The following C11orf65 variants were observed in gnomAD, a reference collection of about 807,000 sequenced individuals.
The protein encoded by C11orf65 is chromosome 11 open reading frame 65, also known as protein MFI.
A neutral mutation model predicts 35.3 loss-of-function variants in C11orf65; 38 were observed. The observed-to-expected ratio is 1.08, with a 90% CI of 0.83 to 1.41. The LOEUF (loss-of-function observed/expected upper bound fraction) is 1.41, where lower values mean the gene tolerates loss of function less well. Among genes scored for constraint, C11orf65 ranks in the 40% most tolerant of loss-of-function variants. C11orf65 has a pLI of 0.00. For synonymous variants in C11orf65, 105 were observed against 114.4 expected (o/e 0.92, Z 0.53); for missense variants, 370 against 367.1 (o/e 1.01, Z -0.06).
intron 3 of C11orf65, among the ~76,000 whole-genome samples, chr11:108,421,590 G>A (rs1027045671): frequency 3.3e-4 from 50 of 152,200 alleles, no homozygotes; most frequent in Middle Eastern, 3.4e-3. Flanking sequence ...TCTGGGAGGC[G>A]AAGGTTGCAG....
chr11:108,459,726 T>TACACACACACACACACACACACAC (rs60928526), intron 2 of C11orf65, among the ~76,000 whole-genome samples: 89 of 138,662 alleles, frequency 6.4e-4, no homozygotes, highest in Middle Eastern at 7.0e-3. Context: ...GTCCTCCGTC[T>TACACACACACACACACACACACAC]ACACACACAC....
chr11:108,395,299 T>C (rs1335273931), intron 6 of C11orf65, among the ~76,000 whole-genome samples: 1 of 151,510 alleles, frequency 6.6e-6, no homozygotes, highest in African/African-American at 2.4e-5. Flanking sequence ...AAGACCAGCC[T>C]GGGTAAAATA....
At chr11:108,336,121 A>G in intron 2 of C11orf65, 1 of 575,502 alleles carries the variant, frequency 1.7e-6, no homozygotes, top group Non-Finnish European at 3.1e-6. Context: ...ACATAGTGAG[A>G]CCCCATCTTG....
intron 6 of C11orf65, chr11:108,321,510 C>CGGTG: frequency 1.3e-6 from 2 of 1,575,610 alleles, no homozygotes; most frequent in Admixed American, 3.4e-5. Flanking sequence ...AGGCCGGGCA[C>CGGTG]GGTGGCTCAT....
chr11:108,453,395 A>C (rs74890530), intron 2 of C11orf65, among the ~76,000 whole-genome samples: 2 of 152,126 alleles, frequency 1.3e-5, no homozygotes, highest in Non-Finnish European at 2.9e-5. Flanking sequence ...CTTAAGCCCA[A>C]TGAATACAGT....
intron 2 of C11orf65, among the ~76,000 whole-genome samples, chr11:108,441,520 C>T (rs1361382361): frequency 1.3e-5 from 2 of 152,222 alleles, no homozygotes; most frequent in Non-Finnish European, 2.9e-5. Flanking sequence ...GGCAGACTGC[C>T]TCCTCAAGTG....
At chr11:108,389,768 C>T (rs1456782892) in intron 7 of C11orf65, among the ~76,000 whole-genome samples, 1 of 151,838 alleles carries the variant, frequency 6.6e-6, no homozygotes, top group African/African-American at 2.4e-5. Context: ...CAAGCTCTGC[C>T]TCCCAATGGC....
At chr11:108,467,201 C>G (rs1040884349) in intron 1 of C11orf65, among the ~76,000 whole-genome samples, 6 of 152,076 alleles carry the variant, frequency 3.9e-5, no homozygotes, top group South Asian at 2.1e-4. Flanking sequence ...GCAGTAAGGA[C>G]TTGTCAACCA....
At chr11:108,343,184 CCT>C in intron 2 of C11orf65, 1 of 1,612,810 alleles carries the variant, frequency 6.2e-7, no homozygotes, top group Non-Finnish European at 8.5e-7. Flanking sequence ...TCTTTAATGG[CCT>C]TTTAAAATTA....
downstream of C11orf65, chr11:108,330,223 A>G (rs878853542): frequency 5.6e-6 from 9 of 1,613,936 alleles, no homozygotes; most frequent in Middle Eastern, 3.3e-4. Context: ...GATACACAGT[A>G]AAGGTTCAGC....
At chr11:108,433,546 C>G (rs1046777301) in intron 2 of C11orf65, among the ~76,000 whole-genome samples, 2 of 151,928 alleles carry the variant, frequency 1.3e-5, no homozygotes, top group Non-Finnish European at 2.9e-5. Context: ...CGCCACTGCA[C>G]TCCAGCCTGG....
Position 108,385,900 on chromosome 11 carries a change from T to C in C11orf65, c.787+20A>G, listed in dbSNP as rs769056354. 12 of 1,607,002 alleles carry C rather than the reference T, an allele frequency of 7.5e-6. No individual in the cohort carries two copies. Among genetic ancestry groups the C allele is most frequent in the African/African-American group, 1.3e-5 (1 of 74,842 alleles). On this transcript the variant is annotated intron_variant, in intron 8 of 8. Transcript: ENST00000393084. Reference sequence around the variant, plus strand: ...TTGTTCATGAGAATTTCCTATAAAGTACTGCTAAAAATCACCTACCTTTGA... The same window carrying C: ...TTGTTCATGAGAATTTCCTATAAAGCACTGCTAAAAATCACCTACCTTTGA...
chr11:108,405,391 T>C (rs1487903855), intron 6 of C11orf65, 38 bp downstream of exon 6: 2 of 1,597,152 alleles, frequency 1.3e-6, no homozygotes, highest in Admixed American at 3.6e-5. Flanking sequence ...TTTCCCAAAA[T>C]ACTACGTATT....
At chr11:108,443,579 C>T (rs1196749858) in intron 2 of C11orf65, among the ~76,000 whole-genome samples, 1 of 151,886 alleles carries the variant, frequency 6.6e-6, no homozygotes, top group Non-Finnish European at 1.5e-5. Context: ...TGGAAGCACT[C>T]CTCAGCAAAT....
chr11:108,462,737 C>A (rs1002530000), intron 1 of C11orf65: 1 of 152,164 alleles, frequency 6.6e-6, no homozygotes, highest in African/African-American at 2.4e-5. Context: ...TAATACTTCA[C>A]AGAATAATGT....
At chr11:108,350,294 G>C (rs17412927) in intron 2 of C11orf65, among the ~76,000 whole-genome samples, 3,742 of 152,260 alleles carry the variant, frequency 0.025, 58 homozygotes, top group Non-Finnish European at 0.038. Flanking sequence ...TTGAAGCACT[G>C]ATGAGAGTAA....
intron 2 of C11orf65, chr11:108,345,682 T>G: frequency 7.8e-7 from 1 of 1,287,020 alleles, no homozygotes; most frequent in Admixed American, 2.2e-5. Context: ...TATAAAAATG[T>G]GTATATTAGT....
At chr11:108,425,539 T>A (rs931891726) in intron 3 of C11orf65, among the ~76,000 whole-genome samples, 2 of 152,150 alleles carry the variant, frequency 1.3e-5, no homozygotes, top group Middle Eastern at 3.2e-3. Context: ...CAGGACCAGA[T>A]GGATTCACAG....
rs751932227 is a variant in C11orf65 at position 108,366,198 on chromosome 11, T to C, written c.226+27010A>G. On this transcript the variant is annotated intron_variant, in intron 2 of 3. Transcript: ENST00000524755. ...ACTTCTCATTCTATTCTCTTTATCT[T>C]TTAAGCCCTTCTGTACTGTCCATGT... The C allele has an allele frequency of 3.1e-5, 6 of 195,274 alleles. No homozygotes were observed. The highest frequency in any genetic ancestry group is 6.4e-5 in the Non-Finnish European group (6 of 94,008). 12.1% of individuals were successfully genotyped at this position (195,274 alleles called of 1,614,324 possible). A position where few individuals can be genotyped will look rare whatever the true frequency, so the allele number is the denominator to read the frequency against.
Sources: gnomAD v4.1 joint callset for allele counts (sites outside exome capture counted in the v4.1 genomes callset) on GRCh38, gnomAD v4.1.1 for gene constraint, MANE v1.5 for transcripts, NCBI Gene and HGNC (gene_info 2026-07-23, HGNC 2026-07-21) for gene names.